Variants in NRAP observed in about 807,000 individuals in gnomAD.
NRAP encodes nebulin related anchoring protein, also known as nebulin-related-anchoring protein.
In NRAP, 189 loss-of-function variants were observed where a neutral mutation model predicts 225.9. That is an observed-to-expected ratio of 0.84 (90% CI 0.74 to 0.94). NRAP has a LOEUF of 0.94. NRAP is among the 40% of genes least tolerant of loss of function. NRAP has a pLI of 0.00. For missense variants in NRAP, 2,176 were observed against 2,168.7 expected (o/e 1.00, Z -0.07); for synonymous variants, 769 against 790.7 (o/e 0.97, Z 0.46).
At position 113,590,755 on chromosome 10, in the gene NRAP, A is replaced by G. The variant is rs1845927360; in HGVS notation, c.4779T>C (p.Phe1593=). The change falls in exon 40 of 42, where the codon TTT becomes TTC. Residue 1593 remains phenylalanine, a synonymous_variant. Transcript: ENST00000359988. The part of the protein sequence containing the change: ...LQSDNEYKKD[F]AKSRSQFHSS... ...TGTGAAACTGGGACCGACTCTTGGCAAAGTCCTTCTTGTACTCATTGTCAC... is the reference window on the plus strand; with the variant it reads ...TGTGAAACTGGGACCGACTCTTGGCGAAGTCCTTCTTGTACTCATTGTCAC... 1 of 1,614,196 alleles carries G rather than the reference A, an allele frequency of 6.2e-7. No homozygotes were observed. The highest frequency in any genetic ancestry group is 8.5e-7 in the Non-Finnish European group (1 of 1,180,022).
chr10:113,604,758 G>C lies in NRAP; in HGVS notation c.4078C>G (p.Pro1360Ala), dbSNP rs749650466. 1 of 1,614,184 alleles carries C rather than the reference G, an allele frequency of 6.2e-7. No homozygotes were observed. The highest frequency in any genetic ancestry group is 8.5e-7 in the Non-Finnish European group (1 of 1,180,034). ...TGGACCAGGTGCACCATGTCCATGG[G>C]CAGATGGAACTGGGCTTGGCTGCTG... The part of the protein sequence containing the change: ...ATSSQAQFHL[P>A]MDMVHLVHAK... The change falls in exon 35 of 42, where the codon CCC (proline) becomes GCC (alanine). Residue 1360 changes from proline to alanine, a missense_variant. Physicochemically the swap from Pro to Ala is conservative, Grantham distance 27 (BLOSUM62 -1). Coordinates refer to ENST00000359988, the MANE Select transcript of NRAP (RefSeq NM_198060.4).
chr10:113,605,382 G>A (rs566600248), intron 34 of NRAP, among the ~76,000 whole-genome samples: 25 of 152,306 alleles, frequency 1.6e-4, no homozygotes, highest in African/African-American at 5.3e-4. Flanking sequence ...ACACCAATGC[G>A]TGAAACTACA....
At chr10:113,596,261 T>A (rs1846281597) in intron 37 of NRAP, among the ~76,000 whole-genome samples, 1 of 152,230 alleles carries the variant, frequency 6.6e-6, no homozygotes. Context: ...ACTCAAAGAT[T>A]TATCTGGTTT....
At position 113,645,881 on chromosome 10, in the gene NRAP, C is replaced by T; in HGVS notation, c.1054G>A (p.Ala352Thr). 1 of 1,611,142 alleles carries T rather than the reference C, an allele frequency of 6.2e-7. No individual in the cohort carries two copies. Residue 352 changes from alanine (A) to threonine (T), a missense_variant, in exon 11 of 42, where the codon GCT becomes ACT. Physicochemically the swap from Ala to Thr is moderately conservative, Grantham distance 58. Coordinates refer to ENST00000359988, the MANE Select transcript of NRAP (RefSeq NM_198060.4). ...TGTTTGAGAACCAAGTTGTCTTGAG[C>T]TGGAAGCGAGTGATAATGTGCAGCG... ...KGAAHYHSLP[A>T]QDNLVLKQAQ...
chr10:113,636,140 T>C (rs1216444719), intron 14 of NRAP, among the ~76,000 whole-genome samples: 1 of 152,224 alleles, frequency 6.6e-6, no homozygotes, highest in African/African-American at 2.4e-5. Context: ...CCACCCAGAA[T>C]CCCACACAGT....
rs768007420 is a variant in NRAP, at chr10:113,629,662, G to A, written c.1966C>T (p.Leu656=). 1.2e-6 allele frequency: 2 copies of A among 1,614,042 alleles called. No individual in the cohort carries two copies. Among genetic ancestry groups the A allele is most frequent in the Non-Finnish European group, 1.7e-6 (2 of 1,179,894 alleles). Residue 656 remains leucine, a synonymous_variant, in exon 19 of 42, where the codon CTG becomes TTG. Transcript: ENST00000359988. ...TCAGGCAGCACAGTGTATTCATGCAGTTTCTTCCTGTAGTCCAGGTCACTG... is the reference window on the plus strand; with the variant it reads ...TCAGGCAGCACAGTGTATTCATGCAATTTCTTCCTGTAGTCCAGGTCACTG... ...LASDLDYRKK[L]HEYTVLPEDM...
intron 40 of NRAP, 118 bp from the exon 41 acceptor site, chr10:113,589,915 T>C: frequency 8.4e-7 from 1 of 1,184,662 alleles, no homozygotes; most frequent in South Asian, 1.5e-5. Flanking sequence ...CTGTCATCAG[T>C]AAAGCCAGAA....
intron 38 of NRAP, 88 bp from the exon 39 acceptor site, chr10:113,592,389 C>A: frequency 2.4e-6 from 2 of 832,450 alleles, no homozygotes; most frequent in Non-Finnish European, 3.8e-6. Context: ...TGGTTCTTAA[C>A]CTTTGTTGGT....
At chr10:113,592,505 G>A (rs2295845) in intron 38 of NRAP, among the ~76,000 whole-genome samples, 19 of 104,920 alleles carry the variant, frequency 1.8e-4, no homozygotes, top group East Asian at 8.3e-4. Context: ...CCCCCAACCC[G>A]CCCACCCATT....
rs778341366 is a variant in NRAP, at chr10:113,650,053, G to A, written c.872C>T (p.Ala291Val). 1.9e-6 allele frequency: 3 copies of A among 1,599,518 alleles called. No homozygotes were observed. In the South Asian group the frequency reaches 3.3e-5, roughly 18 times the overall value. Residue 291 changes from alanine to valine, a missense_variant, in exon 9 of 42, where the codon GCA becomes GTA. Physicochemically the swap from Ala to Val is moderately conservative, Grantham distance 64 (BLOSUM62 0). Transcript: ENST00000359988. Reference protein sequence around the residue: ...GAEGILTRECADQYGQGYPEE... With the variant: ...GAEGILTRECVDQYGQGYPEE... ...ATCACATACCTGGCCATATTGGTCTGCACATTCCCTTGTCAAGATGCCCTC... is the reference window on the plus strand; with the variant it reads ...ATCACATACCTGGCCATATTGGTCTACACATTCCCTTGTCAAGATGCCCTC...
chr10:113,604,905 C>A lies in NRAP; in HGVS notation c.3931G>T (p.Asp1311Tyr), dbSNP rs1564705609. ...AGTTTCCCTCGCTCCTTCACAAAGT[C>A]ATGTCTGTAGAGAAACTGCAAGAAA... ...DIASDFLYRH[D>Y]FVKERGKLIG... Residue 1311 changes from aspartate (D) to tyrosine (Y), a missense_variant, in exon 35 of 42, where the codon GAC (aspartate) becomes TAC (tyrosine). By Grantham distance (160) the Asp-to-Tyr change is radical. Around this residue, in one of 3 missense-constraint regions of NRAP, gnomAD observed 1,708 missense variants for 1,695.5 expected, o/e 1.01. Coordinates refer to ENST00000359988, the MANE Select transcript of NRAP (RefSeq NM_198060.4). 1.2e-6 allele frequency: 2 copies of A among 1,613,190 alleles called. No individual in the cohort carries two copies. Among genetic ancestry groups the A allele is most frequent in the Non-Finnish European group, 1.7e-6 (2 of 1,179,240 alleles).
chr10:113,630,236 G>A (rs1848504895), intron 18 of NRAP, among the ~76,000 whole-genome samples: 1 of 152,182 alleles, frequency 6.6e-6, no homozygotes, highest in Admixed American at 6.5e-5. Context: ...ATGAATAATA[G>A]CTGAAACATG....
intron 7 of NRAP, among the ~76,000 whole-genome samples, chr10:113,651,135 G>A (rs1849939197): frequency 1.3e-5 from 2 of 152,154 alleles, no homozygotes; most frequent in South Asian, 2.1e-4. Flanking sequence ...TCTCTTTAAA[G>A]AAGTGTTTTT....
chr10:113,651,132 AAAG>A (rs1849938908), intron 7 of NRAP, among the ~76,000 whole-genome samples: 1 of 152,194 alleles, frequency 6.6e-6, no homozygotes, highest in African/African-American at 2.4e-5. Flanking sequence ...TTTTCTCTTT[AAAG>A]AAGTGTTTTT....
chr10:113,647,994 C>A (rs1233707731), intron 9 of NRAP, among the ~76,000 whole-genome samples: 2 of 152,362 alleles, frequency 1.3e-5, no homozygotes, highest in East Asian at 1.9e-4. Flanking sequence ...AGCTTAGGGA[C>A]AGTCTCCTCG....
intron 26 of NRAP, among the ~76,000 whole-genome samples, chr10:113,617,235 G>A (rs771683062): frequency 3.3e-5 from 5 of 152,078 alleles, no homozygotes; most frequent in Non-Finnish European, 5.9e-5. Flanking sequence ...TTGGGGCAGT[G>A]GGGTGGTGGA....
Position 113,662,689 on chromosome 10 carries a change from G to T in NRAP, c.245C>A (p.Ala82Asp), listed in dbSNP as rs115585400. The T allele has an allele frequency of 6.2e-5, 97 of 1,555,102 alleles. No individual in the cohort carries two copies. In the South Asian group the frequency reaches 1.0e-3, roughly 16 times the overall value. ...AATTAAATAACTTACCCCACTGATG[G>T]CCTCTGGAAATGTCCTCACATTTAG... ...LNLNVRTFPE[A>D]ISGIHDQEDG... The change falls in exon 3 of 42, where the codon GCC (alanine) becomes GAC (aspartate). Residue 82 changes from alanine to aspartate, a missense_variant. Physicochemically the swap from Ala to Asp is moderately radical, Grantham distance 126. Around this residue, in one of 3 missense-constraint regions of NRAP, gnomAD observed 1,708 missense variants for 1,695.5 expected, o/e 1.01. Coordinates refer to ENST00000359988, the MANE Select transcript of NRAP (RefSeq NM_198060.4).
intron 37 of NRAP, among the ~76,000 whole-genome samples, chr10:113,596,803 ATCC>A (rs1012373592): frequency 6.6e-6 from 1 of 152,180 alleles, no homozygotes; most frequent in Admixed American, 6.5e-5. Flanking sequence ...CCTTTATTTA[ATCC>A]TCATTTAATT....
At chr10:113,597,534 C>A (rs954484228) in intron 36 of NRAP, among the ~76,000 whole-genome samples, 1 of 152,140 alleles carries the variant, frequency 6.6e-6, no homozygotes, top group Non-Finnish European at 1.5e-5. Context: ...GGCAGTGTCA[C>A]CTTCGAGGGA....
Sources: gnomAD v4.1 joint callset for allele counts (sites outside exome capture counted in the v4.1 genomes callset) on GRCh38, gnomAD v4.1.1 for gene constraint, gnomAD v4.1.1 regional missense constraint, MANE v1.5 for transcripts, NCBI Gene and HGNC (gene_info 2026-07-23, HGNC 2026-07-21) for gene names.